The following EML5 variants were observed in gnomAD, a reference collection of about 807,000 sequenced individuals.
The protein encoded by EML5 is echinoderm microtubule-associated protein-like 5.
Under a neutral mutation model 250.0 loss-of-function variants are expected in EML5, and 120 were observed. The observed-to-expected ratio is 0.48, with a 90% CI of 0.41 to 0.56. The LOEUF (loss-of-function observed/expected upper bound fraction) is 0.56. EML5 is among the 20% of genes least tolerant of loss of function. The probability of loss-of-function intolerance (pLI) is 0.00; values close to 1 mark genes in which losing one functional copy is unlikely to be tolerated. For missense variants in EML5, 2,006 were observed against 2,437.6 expected (o/e 0.82, Z 3.73); for synonymous variants, 771 against 806.5 (o/e 0.96, Z 0.75).
intron 1 of EML5, among the ~76,000 whole-genome samples, chr14:88,774,762 C>A (rs1181387729): frequency 1.3e-5 from 2 of 152,264 alleles, no homozygotes; most frequent in East Asian, 3.9e-4. Context: ...TAAACTCACT[C>A]CTTCAGTGGT....
At chr14:88,741,968 A>C (rs2093931197) in intron 4 of EML5, among the ~76,000 whole-genome samples, 1 of 152,180 alleles carries the variant, frequency 6.6e-6, no homozygotes, top group Non-Finnish European at 1.5e-5. Flanking sequence ...AATCTCCATA[A>C]TTTGTGTACA....
intron 33 of EML5, among the ~76,000 whole-genome samples, chr14:88,629,802 T>C (rs2090324856): frequency 6.6e-6 from 1 of 152,132 alleles, no homozygotes; most frequent in South Asian, 2.1e-4. Flanking sequence ...GGTATGCTGT[T>C]CTCAGTATCC....
At chr14:88,617,844 T>C (rs147445366) in intron 41 of EML5, 124 of 155,994 alleles carry the variant, frequency 7.9e-4, no homozygotes, top group Non-Finnish European at 1.3e-3. Flanking sequence ...GCCAGGAAAT[T>C]TGAACAAATT....
At chr14:88,711,102 G>A (rs2093398276) in intron 10 of EML5, among the ~76,000 whole-genome samples, 1 of 152,068 alleles carries the variant, frequency 6.6e-6, no homozygotes, top group Non-Finnish European at 1.5e-5. Flanking sequence ...AACCAGGCAA[G>A]TATCATCTTA....
chr14:88,617,418 A>G (rs1014247620), intron 41 of EML5: 5 of 152,544 alleles, frequency 3.3e-5, no homozygotes, highest in African/African-American at 1.2e-4. Context: ...AAGTGCTGGG[A>G]TTACAGGCTG....
intron 21 of EML5, among the ~76,000 whole-genome samples, chr14:88,679,479 G>A (rs2141138729): frequency 6.6e-6 from 1 of 152,092 alleles, no homozygotes; most frequent in Non-Finnish European, 1.5e-5. Context: ...ATCACTTGAG[G>A]TCAGGAGTTC....
At chr14:88,747,232 T>G (rs1595759125) in intron 2 of EML5, among the ~76,000 whole-genome samples, 1 of 152,112 alleles carries the variant, frequency 6.6e-6, no homozygotes, top group East Asian at 1.9e-4. Context: ...GGCAACACGT[T>G]GAAACCCCGT....
chr14:88,738,971 G>A lies in EML5; in HGVS notation c.755C>T (p.Thr252Ile). The A allele has an allele frequency of 6.2e-7, 1 of 1,609,386 alleles. No homozygotes were observed. The highest frequency in any genetic ancestry group is 8.5e-7 in the Non-Finnish European group (1 of 1,178,134). Residue 252 changes from threonine (T) to isoleucine (I), a missense_variant, in exon 6 of 44, where the codon ACT becomes ATT. Coordinates refer to ENST00000554922, the MANE Select transcript of EML5 (RefSeq NM_183387.3). Reference protein sequence around the residue: ...SMNACEEGFATGGRDGCIRLW... With the variant: ...SMNACEEGFAIGGRDGCIRLW... ...ACGAATACAACCATCTCTGCCACCA[G>A]TAGCAAAGCCTTCTTCACAAGCATT...
chr14:88,688,968 T>G (rs2092900044), intron 17 of EML5, among the ~76,000 whole-genome samples: 1 of 152,226 alleles, frequency 6.6e-6, no homozygotes, highest in Admixed American at 6.5e-5. Context: ...TTTTTCATGT[T>G]TTAAATTTTT....
chr14:88,714,869 C>T (rs1411267207), intron 9 of EML5, 70 bp downstream of exon 9: 5 of 1,448,134 alleles, frequency 3.5e-6, no homozygotes, highest in African/African-American at 1.4e-5. Context: ...GTAACTTACA[C>T]TCTGCTTCCA....
chr14:88,652,949 TTTG>T (rs1283564186), intron 27 of EML5, among the ~76,000 whole-genome samples: 3 of 152,216 alleles, frequency 2.0e-5, no homozygotes, highest in Non-Finnish European at 4.4e-5. Flanking sequence ...TGTTTTTCCA[TTTG>T]TTTGTGTCCT....
rs138801717 is a variant in EML5 at position 88,760,800 on chromosome 14, G to A, written c.198-6129C>T. On this transcript the variant is annotated intron_variant, in intron 1 of 43. Coordinates refer to ENST00000554922, the MANE Select transcript of EML5 (RefSeq NM_183387.3). ...TCCAATCCATAAACATAGTACGCCC[G>A]CCCTCCATTTTTCAGGTATTCTTTG... 6.6e-5 allele frequency among the ~76,000 whole-genome samples: 10 copies of A among 152,058 alleles called. No individual in the cohort carries two copies. In the East Asian group the frequency reaches 1.2e-3, roughly 18 times the overall value.
intron 1 of EML5, among the ~76,000 whole-genome samples, chr14:88,787,367 G>C (rs2094561763): frequency 6.6e-6 from 1 of 152,136 alleles, no homozygotes; most frequent in African/African-American, 2.4e-5. Flanking sequence ...ATATTTCTTG[G>C]ATGAGAAAAC....
At chr14:88,758,781 G>C (rs1222791917) in intron 1 of EML5, among the ~76,000 whole-genome samples, 1 of 152,198 alleles carries the variant, frequency 6.6e-6, no homozygotes, top group East Asian at 1.9e-4. Context: ...CCAAATGTTT[G>C]ACTGAATCAC....
At position 88,687,253 on chromosome 14, in the gene EML5, A is replaced by C; in HGVS notation, c.2817T>G (p.Tyr939Ter). Residue 939 changes from tyrosine (Y) to a stop codon, truncating the protein, a stop_gained, in exon 19 of 44, where the codon TAT becomes TAG. Coordinates refer to ENST00000554922, the MANE Select transcript of EML5 (RefSeq NM_183387.3). LOFTEE classifies it high-confidence loss of function. ...DDSFERCLKTYAIKRAALAPG... is the reference protein window; with the variant it reads ...DDSFERCLKT ...GGGCCAATGCAGCTCTTTTTATAGC[A>C]TAGGTCTTGAGACATCTTTCAAAAG... is the stretch of plus-strand genomic sequence containing the variant. 1.2e-6 allele frequency: 2 copies of C among 1,611,956 alleles called. No homozygotes were observed. The highest frequency in any genetic ancestry group is 1.7e-4 in the Middle Eastern group (1 of 6,058).
At chr14:88,653,891 T>C (rs1364531625) in intron 27 of EML5, among the ~76,000 whole-genome samples, 2 of 152,238 alleles carry the variant, frequency 1.3e-5, no homozygotes, top group African/African-American at 2.4e-5. Context: ...TTTGTACTTC[T>C]GGTAGAATTC....
At chr14:88,661,013 A>T (rs964794073) in intron 25 of EML5, among the ~76,000 whole-genome samples, 6 of 152,156 alleles carry the variant, frequency 3.9e-5, no homozygotes, top group Non-Finnish European at 8.8e-5. Context: ...AACTATAAAG[A>T]GTTTATATTT....
At chr14:88,701,526 A>AGAAGGAGAGGGAAAG in intron 14 of EML5, among the ~76,000 whole-genome samples, 1 of 152,154 alleles carries the variant, frequency 6.6e-6, no homozygotes, top group African/African-American at 2.4e-5. Context: ...AAAGAAAGGA[A>AGAAGGAGAGGGAAAG]GAAGGAGAGG....
chr14:88,712,500 G>C lies in EML5; in HGVS notation c.1445-17C>G, dbSNP rs747180701. On this transcript the variant is annotated splice_polypyrimidine_tract_variant and intron_variant, in intron 9 of 43. Coordinates refer to ENST00000554922, the MANE Select transcript of EML5 (RefSeq NM_183387.3). ...CCTTTCCTCCTAAAAATAAATCAGA[G>C]TCTTAATTTAAAAAGTTATTTCATT... The C allele has an allele frequency of 2.5e-6, 4 of 1,581,428 alleles. No homozygotes were observed. Among genetic ancestry groups the C allele is most frequent in the Non-Finnish European group, 3.5e-6 (4 of 1,155,818 alleles).
Sources: allele counts gnomAD v4.1 joint callset (sites outside exome capture counted in the v4.1 genomes callset), GRCh38; gene constraint gnomAD v4.1.1; transcripts MANE v1.5; gene names NCBI Gene and HGNC (gene_info 2026-07-23, HGNC 2026-07-21).